The following ANO7 variants were observed in gnomAD, a reference collection of about 807,000 sequenced individuals.
ANO7 encodes anoctamin-7.
A neutral mutation model predicts 115.8 loss-of-function variants in ANO7; 114 were observed. The ratio of observed to expected loss-of-function variants is 0.98; its 90% confidence interval spans 0.85 to 1.15. The LOEUF (loss-of-function observed/expected upper bound fraction) is 1.15. ANO7 is among the 50% of genes most tolerant of loss of function. The pLI, the probability that ANO7 is intolerant of heterozygous loss-of-function variation, is 0.00. For synonymous variants in ANO7, 550 were observed against 498.2 expected, an observed-to-expected ratio of 1.10 and a Z score of -1.38; for missense variants, 1,302 against 1,201.2, an observed-to-expected ratio of 1.08 and a Z score of -1.24.
Position 241,204,960 on chromosome 2 carries a change from G to GTA in ANO7, c.980+6_980+7insAT. 1 of 1,613,700 alleles carries GTA rather than the reference G, an allele frequency of 6.2e-7. No homozygotes were observed. Among genetic ancestry groups the GTA allele is most frequent in the Non-Finnish European group, 8.5e-7 (1 of 1,179,670 alleles). On this transcript the variant is annotated splice_donor_region_variant and intron_variant, in intron 10 of 24. Transcript: ENST00000674324. ...GGTGTTCTCAGACATACCCACGTGA[G>GTA]TGTTCCCTCTCCGCAGCTCTGGGGC...
chr2:241,199,481 G>A (rs548999802), intron 5 of ANO7, 58 bp downstream of exon 5: 31 of 1,559,414 alleles, frequency 2.0e-5, no homozygotes, highest in Middle Eastern at 1.7e-4. Context: ...CACACACTGC[G>A]TTCAGCTGCC....
downstream of ANO7, chr2:241,227,788 G>C (rs2069271114): frequency 6.6e-6 from 1 of 152,450 alleles, no homozygotes; most frequent in African/African-American, 2.4e-5. Flanking sequence ...CAGAGTTCCA[G>C]AACTCATGCA....
chr2:241,223,858 C>T (rs2069087373), intron 23 of ANO7, 47 bp from the exon 24 acceptor site: 2 of 1,614,060 alleles, frequency 1.2e-6, no homozygotes, highest in South Asian at 1.1e-5. Flanking sequence ...TACCTCCGGA[C>T]ACTGAGTCAC....
At chr2:241,229,904 C>T (rs776017355), downstream of ANO7, 6 of 1,598,382 alleles carry the variant, frequency 3.8e-6, no homozygotes, top group East Asian at 2.3e-5. Context: ...TTGGCCTCTT[C>T]GTGTGCTGGG....
At position 241,212,243 on chromosome 2, in the gene ANO7, C is replaced by T. The variant is rs370995389; in HGVS notation, c.1673+38C>T. The T allele has an allele frequency of 4.4e-4, 684 of 1,543,142 alleles. 1 individual carries two copies. The highest frequency in any genetic ancestry group is 5.0e-4 in the Non-Finnish European group (559 of 1,115,712). On this transcript the variant is annotated intron_variant, in intron 16 of 24. Coordinates refer to ENST00000674324, the MANE Select transcript of ANO7 (RefSeq NM_001370694.2). ...CTCTCCCTCTGGCCACAGCTTGTCC[C>T]GGCTTAGTTCTGCTCATGTTTCCCG... is the stretch of plus-strand genomic sequence containing the variant.
At chr2:241,235,104 G>A in the ANO7 span, 29 of 1,610,184 alleles carry the variant, frequency 1.8e-5, no homozygotes, top group East Asian at 2.2e-4. Context: ...GCAGTGCCCC[G>A]GCCACCTCCT....
downstream of ANO7, chr2:241,229,934 G>A (rs2069529024): frequency 6.2e-7 from 1 of 1,604,430 alleles, no homozygotes; most frequent in African/African-American, 1.3e-5. Context: ...TATACCTGCA[G>A]CGCCTCACTG....
chr2:241,210,677 T>C, intron 15 of ANO7, 107 bp downstream of exon 15: 1 of 923,920 alleles, frequency 1.1e-6, no homozygotes, highest in East Asian at 2.4e-5. Flanking sequence ...TCATTTCTAT[T>C]TCTTTCTTCT....
chr2:241,191,114 T>G, intron 2 of ANO7, 80 bp from the exon 3 acceptor site: 1 of 1,524,794 alleles, frequency 6.6e-7, no homozygotes, highest in Non-Finnish European at 9.0e-7. Flanking sequence ...GAGGACGGCT[T>G]CAGGGTGGGG....
rs567557269 is a variant in ANO7, at chr2:241,224,021, C to T, written c.2583+66C>T. Reference sequence around the variant, plus strand: ...CTGAGGTCACAGGGCCCTGCCCAGCCGCCCACTGTGCCTCGTGGCCATGGC... The same window carrying T: ...CTGAGGTCACAGGGCCCTGCCCAGCTGCCCACTGTGCCTCGTGGCCATGGC... On this transcript the variant is annotated intron_variant, in intron 24 of 24. Coordinates refer to ENST00000674324, the MANE Select transcript of ANO7 (RefSeq NM_001370694.2). 56 of 1,613,288 alleles carry T rather than the reference C, an allele frequency of 3.5e-5. No individual in the cohort carries two copies. The East Asian group carries it at 3.8e-4, about 11-fold the overall frequency.
Position 241,203,355 on chromosome 2 carries a change from A to G in ANO7, c.746A>G (p.Glu249Gly). The change falls in exon 9 of 25, where the codon GAG becomes GGG. Residue 249 changes from glutamate (E) to glycine (G), a missense_variant. Coordinates refer to ENST00000674324, the MANE Select transcript of ANO7 (RefSeq NM_001370694.2). This position sits in a 1 kb window ranked among gnomAD's most constrained non-coding sequence, Gnocchi z 4.8. ...CAGGGCCCCTTCAAGACGCCCCCAGAGGGCCCGCAGGCTCCACGCCTCAAC... is the reference window on the plus strand; with the variant it reads ...CAGGGCCCCTTCAAGACGCCCCCAGGGGGCCCGCAGGCTCCACGCCTCAAC... ...LHDGPFKTPP[E>G]GPQAPRLNQR... 6.4e-7 allele frequency: 1 copy of G among 1,569,354 alleles called. No homozygotes were observed. The highest frequency in any genetic ancestry group is 8.6e-7 in the Non-Finnish European group (1 of 1,160,448).
At chr2:241,195,280 T>C (rs1475061772) in intron 3 of ANO7, among the ~76,000 whole-genome samples, 2 of 152,168 alleles carry the variant, frequency 1.3e-5, no homozygotes, top group Admixed American at 6.5e-5. Context: ...CCAGCATCCA[T>C]TGCTGTCTCA....
rs376583417 is a variant in ANO7, at chr2:241,216,095, A to G, written c.1829A>G (p.Lys610Arg). 1.3e-5 allele frequency: 21 copies of G among 1,604,630 alleles called. No individual in the cohort carries two copies. Among genetic ancestry groups the G allele is most frequent in the South Asian group, 1.0e-4 (9 of 89,906 alleles). Reference sequence around the variant, plus strand: ...TTTTCCTGTATTCCCGTCCCCAGGAAGCTAAAGGGCTGGTGGCAGAAGTTC... The same window carrying G: ...TTTTCCTGTATTCCCGTCCCCAGGAGGCTAAAGGGCTGGTGGCAGAAGTTC... ...INNMQEVLIPKLKGWWQKFRL... is the reference protein window; with the variant it reads ...INNMQEVLIPRLKGWWQKFRL... Residue 610 changes from lysine (K) to arginine (R), a missense_variant and splice_region_variant, in exon 19 of 25, where the codon AAG becomes AGG. Lys to Arg is a conservative substitution (Grantham distance 26). Transcript: ENST00000674324.
At chr2:241,218,472 C>CCG in intron 21 of ANO7, 91 bp downstream of exon 21, 1 of 1,096,136 alleles carries the variant, frequency 9.1e-7, no homozygotes, top group Non-Finnish European at 1.1e-6. Flanking sequence ...CGGTGGGGAG[C>CCG]CGGGAGGGGC....
At chr2:241,236,256 A>T in the ANO7 span, 1 of 299,894 alleles carries the variant, frequency 3.3e-6, no homozygotes, top group Non-Finnish European at 6.3e-6. Flanking sequence ...AAGGTGAGCT[A>T]GGCCTGATAA....
At chr2:241,195,616 C>T (rs1325687263) in intron 3 of ANO7, 87 bp from the exon 4 acceptor site, 5 of 1,347,454 alleles carry the variant, frequency 3.7e-6, no homozygotes, top group African/African-American at 2.9e-5. Context: ...CTCCCCACTG[C>T]GTCCCGGCTG....
chr2:241,221,694 T>A (rs2069022141), intron 21 of ANO7, among the ~76,000 whole-genome samples: 1 of 151,942 alleles, frequency 6.6e-6, no homozygotes, highest in Non-Finnish European at 1.5e-5. Flanking sequence ...TTTTTTCTTT[T>A]GAGATGGAGT....
At position 241,195,859 on chromosome 2, in the gene ANO7, G is replaced by A. The variant is rs761785486; in HGVS notation, c.309+14G>A. 1.9e-6 allele frequency: 3 copies of A among 1,614,082 alleles called. No individual in the cohort carries two copies. The highest frequency in any genetic ancestry group is 3.3e-5 in the Admixed American group (2 of 60,012). ...TGTGTAGACCAGGTACGTGGAGGCT[G>A]TCATGGGCAGGGCCCTAGGCCCTGC... On this transcript the variant is annotated intron_variant, in intron 4 of 24. Coordinates refer to ENST00000674324, the MANE Select transcript of ANO7 (RefSeq NM_001370694.2).
At chr2:241,199,780 G>A (rs1021068720) in intron 5 of ANO7, among the ~76,000 whole-genome samples, 1 of 152,208 alleles carries the variant, frequency 6.6e-6, no homozygotes, top group African/African-American at 2.4e-5. Flanking sequence ...ACGTGGGTCC[G>A]CCTCCCACCG....
Sources: gnomAD v4.1 joint callset for allele counts (sites outside exome capture counted in the v4.1 genomes callset) on GRCh38, gnomAD v4.1.1 for gene constraint, Gnocchi (gnomAD v3.1) non-coding constraint, MANE v1.5 for transcripts, NCBI Gene and HGNC (gene_info 2026-07-23, HGNC 2026-07-21) for gene names.